TRAPPC9: variants seen among roughly 807,000 people sequenced by gnomAD.
The protein encoded by TRAPPC9 is trafficking protein particle complex subunit 9.
TRAPPC9 carries 83 observed loss-of-function variants against 124.0 expected under a neutral mutation model. The observed-to-expected ratio is 0.67, with a 90% confidence interval of 0.56 to 0.80. TRAPPC9 has a LOEUF of 0.80. TRAPPC9 is among the 30% of genes least tolerant of loss of function. The pLI is 0.00. For synonymous variants in TRAPPC9, 638 were observed against 617.5 expected, an observed-to-expected ratio of 1.03 and a Z score of -0.49; for missense variants, 1,302 against 1,508.3, an observed-to-expected ratio of 0.86 and a Z score of 2.27.
In TRAPPC9 at chr8:139,984,051, T is replaced by C. The variant is rs1274849395; in HGVS notation, c.2810+4675A>G. Among the ~76,000 whole-genome samples the C allele has an allele frequency of 6.6e-6, 1 of 152,202 alleles. No homozygotes were observed. Among genetic ancestry groups the C allele is most frequent in the African/African-American group, 2.4e-5 (1 of 41,446 alleles). ...CCTCGTGCTGTTGGGGACACATTTC[T>C]ATCCATAGCTCTTGCACTGGGTGAG... On this transcript the variant is annotated intron_variant, in intron 19 of 22. Coordinates refer to ENST00000438773, the MANE Select transcript of TRAPPC9 (RefSeq NM_001160372.4). The surrounding 1 kb of genome is among the most constrained non-coding windows in gnomAD (Gnocchi z 4.3).
chr8:140,444,791 A>C (rs1462180114), intron 2 of TRAPPC9, among the ~76,000 whole-genome samples: 1 of 144,950 alleles, frequency 6.9e-6, no homozygotes, highest in Admixed American at 7.1e-5. Flanking sequence ...TGAACCGGGG[A>C]GGCGGAGGTT....
At chr8:139,879,867 A>G (rs1829569190) in intron 21 of TRAPPC9, among the ~76,000 whole-genome samples, 2 of 152,208 alleles carry the variant, frequency 1.3e-5, no homozygotes, top group Admixed American at 1.3e-4. Flanking sequence ...CTTCACAGAG[A>G]ACCAGAGCTC....
At chr8:139,844,613 AGGAAGAGAAAAGGT>A (rs1826949465) in intron 21 of TRAPPC9, among the ~76,000 whole-genome samples, 1 of 152,260 alleles carries the variant, frequency 6.6e-6, no homozygotes, top group Non-Finnish European at 1.5e-5. Context: ...CCTTAAATTA[AGGAAGAGAAAAGGT>A]GGAAGAGAGG....
At position 140,310,510 on chromosome 8, in the gene TRAPPC9, G is replaced by T. The variant is rs534208036; in HGVS notation, c.1622+738C>A. On this transcript the variant is annotated intron_variant, in intron 10 of 22. Transcript: ENST00000438773. ...AGATCAGTTCATAAACCTTTTGCAG[G>T]TCCTAAGCCTTGAGTGGTGAAGAAA... 1.1e-4 allele frequency among the ~76,000 whole-genome samples: 16 copies of T among 152,246 alleles called. 1 individual carries two copies. The South Asian group carries it at 3.3e-3, about 32-fold the overall frequency.
intron 19 of TRAPPC9, among the ~76,000 whole-genome samples, chr8:139,973,896 C>A (rs1036771352): frequency 1.3e-5 from 2 of 152,092 alleles, no homozygotes; most frequent in Non-Finnish European, 2.9e-5. Flanking sequence ...CGAGTCCCTG[C>A]GAACCTCCCC....
rs776565476 is a variant in TRAPPC9 at position 139,800,818 on chromosome 8, T to G, written c.3056-68616A>C. Among the ~76,000 whole-genome samples, 154 of 146,364 alleles carry G rather than the reference T, an allele frequency of 1.1e-3. 3 individuals carry two copies. The highest frequency in any genetic ancestry group is 1.6e-4 in the Non-Finnish European group (11 of 66,884). ...GTCCGGTATCTTTACCTTCCCTCCC[T>G]CCAGCACCTTCCCTCCGTCCGGTAC... On this transcript the variant is annotated intron_variant, in intron 21 of 22. Transcript: ENST00000438773.
chr8:140,008,896 G>T (rs1394590570), intron 18 of TRAPPC9, among the ~76,000 whole-genome samples: 2 of 152,154 alleles, frequency 1.3e-5, no homozygotes, highest in Non-Finnish European at 2.9e-5. Context: ...GGAAAGGCTG[G>T]GTATAGGGTG....
At position 139,825,514 on chromosome 8, in the gene TRAPPC9, G is replaced by A. The variant is rs891848765; in HGVS notation, c.3055+60365C>T. Among the ~76,000 whole-genome samples, 29 of 152,188 alleles carry A rather than the reference G, an allele frequency of 1.9e-4. No homozygotes were observed. The highest frequency in any genetic ancestry group is 6.5e-5 in the Admixed American group (1 of 15,280). ...GTCCCATGCCCAACCTCAGACCTCA[G>A]GATCTGAATCTCCACTCAGAGAATC... On this transcript the variant is annotated intron_variant, in intron 21 of 22. Transcript: ENST00000438773. The surrounding 1 kb of genome is among the most constrained non-coding windows in gnomAD (Gnocchi z 4.6).
intron 17 of TRAPPC9, among the ~76,000 whole-genome samples, chr8:140,053,896 C>T (rs2132101466): frequency 6.6e-6 from 1 of 152,304 alleles, no homozygotes; most frequent in South Asian, 2.1e-4. Flanking sequence ...GCACTATTCA[C>T]ATTAGCAAAG....
At chr8:140,413,809 T>C (rs2069796505) in intron 5 of TRAPPC9, among the ~76,000 whole-genome samples, 1 of 151,770 alleles carries the variant, frequency 6.6e-6, no homozygotes, top group Non-Finnish European at 1.5e-5. Flanking sequence ...TGATTTCCAA[T>C]TTCATCCATG....
chr8:139,977,555 T>C (rs2131641054), intron 19 of TRAPPC9, among the ~76,000 whole-genome samples: 1 of 150,540 alleles, frequency 6.6e-6, no homozygotes, highest in South Asian at 2.1e-4. Context: ...GAGGCAGAGC[T>C]TGCAGAGAGC....
At chr8:140,324,667 G>A (rs1563945886) in intron 9 of TRAPPC9, among the ~76,000 whole-genome samples, 2 of 152,168 alleles carry the variant, frequency 1.3e-5, no homozygotes, top group Non-Finnish European at 2.9e-5. Context: ...CTACTCAGGA[G>A]GCTGAGGCTG....
chr8:139,988,674 G>A, intron 19 of TRAPPC9, 52 bp downstream of exon 19: 1 of 1,230,652 alleles, frequency 8.1e-7, no homozygotes, highest in Non-Finnish European at 1.2e-6. Flanking sequence ...CAAGCAGCGT[G>A]GTGAAGGCAG....
chr8:140,369,417 A>C (rs1027217482), intron 8 of TRAPPC9, among the ~76,000 whole-genome samples: 1 of 152,218 alleles, frequency 6.6e-6, no homozygotes, highest in Non-Finnish European at 1.5e-5. Context: ...AACACACTGC[A>C]TGGCATGGGG....
rs1483585685 is a variant in TRAPPC9 at position 139,759,079 on chromosome 8, G to A, written c.3056-26877C>T. On this transcript the variant is annotated intron_variant, in intron 21 of 22. Coordinates refer to ENST00000438773, the MANE Select transcript of TRAPPC9 (RefSeq NM_001160372.4). Reference sequence around the variant, plus strand: ...GTTGATGGCAACTGGTGAGTGGGCCGGGTGCTGCTTCAGCTCCACCCACAG... The same window carrying A: ...GTTGATGGCAACTGGTGAGTGGGCCAGGTGCTGCTTCAGCTCCACCCACAG... Among the ~76,000 whole-genome samples, 12 of 152,308 alleles carry A rather than the reference G, an allele frequency of 7.9e-5. No individual in the cohort carries two copies. In the East Asian group the frequency reaches 1.7e-3, roughly 22 times the overall value.
chr8:140,069,265 G>A (rs936369588), intron 17 of TRAPPC9, among the ~76,000 whole-genome samples: 1 of 152,126 alleles, frequency 6.6e-6, no homozygotes, highest in East Asian at 1.9e-4. Context: ...CAGGGCCCAC[G>A]ATCTGAAGGT....
chr8:139,884,865 C>T (rs772281549), intron 21 of TRAPPC9, among the ~76,000 whole-genome samples: 50 of 152,212 alleles, frequency 3.3e-4, no homozygotes, highest in Non-Finnish European at 5.6e-4. Context: ...CCACCTGGTC[C>T]CGACAGCTTT....
intron 17 of TRAPPC9, among the ~76,000 whole-genome samples, chr8:140,064,115 A>G (rs577876300): frequency 6.6e-6 from 1 of 152,242 alleles, no homozygotes; most frequent in East Asian, 1.9e-4. Context: ...TGACATAGTC[A>G]CATAATTAAT....
chr8:140,212,211 CA>C (rs1452174949), intron 17 of TRAPPC9, among the ~76,000 whole-genome samples: 1 of 152,200 alleles, frequency 6.6e-6, no homozygotes, highest in Non-Finnish European at 1.5e-5. Context: ...TGGTGAAGGA[CA>C]GGGGTAGCTG....
Sources: gnomAD v4.1 joint callset for allele counts (sites outside exome capture counted in the v4.1 genomes callset) on GRCh38, gnomAD v4.1.1 for gene constraint, Gnocchi (gnomAD v3.1) non-coding constraint, MANE v1.5 for transcripts, NCBI Gene and HGNC (gene_info 2026-07-23, HGNC 2026-07-21) for gene names.